The following C17orf58 variants were observed in gnomAD, a reference collection of about 807,000 sequenced individuals.
C17orf58 encodes the protein chromosome 17 open reading frame 58.
C17orf58 carries 5 observed loss-of-function variants against 7.4 expected under a neutral mutation model. The ratio of observed to expected loss-of-function variants is 0.67; its 90% CI spans 0.35 to 1.42. C17orf58 has a LOEUF of 1.42. Ranked by LOEUF, C17orf58 falls within the 40% of genes most tolerant of loss-of-function variation. The pLI is 0.04. For missense variants in C17orf58, 162 were observed against 174.2 expected (o/e 0.93, Z 0.40); for synonymous variants, 60 against 70.6 (o/e 0.85, Z 0.75).
At chr17:67,995,976 C>T (rs183810071) in intron 1 of C17orf58, 147 bp downstream of exon 1, 5 of 397,052 alleles carry the variant, frequency 1.3e-5, no homozygotes, top group Admixed American at 4.4e-5. Flanking sequence ...ACACTTTGCT[C>T]CTTTATAAGA....
chr17:67,993,476 G>T lies in C17orf58; in HGVS notation c.585C>A (p.Arg195=). 2.2e-6 allele frequency: 1 copy of T among 449,814 alleles called. No homozygotes were observed. Among genetic ancestry groups the T allele is most frequent in the Non-Finnish European group, 3.9e-6 (1 of 258,016 alleles). The allele number at this position is 449,814 out of a possible 1,614,324, so 27.9% of individuals were successfully genotyped here. A position where few individuals can be genotyped will look rare whatever the true frequency, so the allele number is the denominator to read the frequency against. ...DAEPGAEPCA[R]ACRSDLDERE... ...GTTCGTCCAGATCGGACCGGCAGGC[G>T]CGCGCGCAGGGCTCAGCGCCGGGCT... is the stretch of plus-strand genomic sequence containing the variant. The change falls in exon 2 of 4, where the codon CGC becomes CGA. Residue 195 remains arginine (R), a synonymous_variant. Coordinates refer to ENST00000580729, the MANE Select transcript of C17orf58 (RefSeq NM_001382359.1). This position sits in a 1 kb window ranked among gnomAD's most constrained non-coding sequence, Gnocchi z 5.1.
intron 1 of C17orf58, 22 bp downstream of exon 1, chr17:67,996,101 C>T (rs1335589715): frequency 2.0e-5 from 8 of 398,942 alleles, no homozygotes; most frequent in African/African-American, 6.2e-5. Flanking sequence ...GCTCCCAGGG[C>T]CCCGCACTAC....
chr17:67,993,398 GGCGGCGGC>G lies in C17orf58; in HGVS notation c.637+18_637+25del, dbSNP rs1335156051. On this transcript the variant is annotated intron_variant, in intron 2 of 3. Coordinates refer to ENST00000580729, the MANE Select transcript of C17orf58 (RefSeq NM_001382359.1). The surrounding 1 kb of genome is among the most constrained non-coding windows in gnomAD (Gnocchi z 5.1). ...CTCGGAAAGGCTCGCGGGGCGGCGG[GGCGGCGGC>G]GCGGCGGCCGGGCTCACCGAATTCG... 12 of 578,724 alleles carry G rather than the reference GGCGGCGGC, an allele frequency of 2.1e-5. No individual in the cohort carries two copies. The highest frequency in any genetic ancestry group is 8.9e-5 in the East Asian group (3 of 33,524). The allele number at this position is 578,724 out of a possible 1,614,324, so 35.8% of individuals were successfully genotyped here. A position where few individuals can be genotyped will look rare whatever the true frequency, so the allele number is the denominator to read the frequency against.
chr17:67,993,167 C>A lies in C17orf58; in HGVS notation c.706G>T (p.Asp236Tyr), dbSNP rs782420116. 17 of 1,613,162 alleles carry A rather than the reference C, an allele frequency of 1.1e-5. No individual in the cohort carries two copies. Among genetic ancestry groups the A allele is most frequent in the Non-Finnish European group, 7.6e-6 (9 of 1,179,430 alleles). The change falls in exon 3 of 4, where the codon GAT (aspartate) becomes TAT (tyrosine). Residue 236 changes from aspartate to tyrosine, a missense_variant. By Grantham distance (160) the Asp-to-Tyr change is radical. This residue lies in a region of C17orf58 where 93 missense variants were observed against 90.4 expected (regional missense o/e 1.03). Transcript: ENST00000580729. This position sits in a 1 kb window ranked among gnomAD's most constrained non-coding sequence, Gnocchi z 5.1. ...AGIRLVTLLV[D>Y]RDGLYKMNRL... ...TTCATCTTGTACAGCCCGTCCCGAT[C>A]CACCAGCAGGGTCACCAGCCGGATG...
intron 1 of C17orf58, among the ~76,000 whole-genome samples, chr17:67,995,658 G>A (rs1304861920): frequency 1.3e-5 from 2 of 152,220 alleles, no homozygotes; most frequent in Non-Finnish European, 2.9e-5. Flanking sequence ...CTGGGGCTGC[G>A]GGGAGAGCAA....
chr17:67,994,516 G>GTGTGTGTGTGTATATATA (rs1244199425), intron 1 of C17orf58, among the ~76,000 whole-genome samples: 6 of 89,536 alleles, frequency 6.7e-5, no homozygotes, highest in African/African-American at 1.9e-4. Context: ...GTGTGTGTGT[G>GTGTGTGTGTGTATATATA]TATATATATA....
chr17:67,993,093 T>TAAC lies in C17orf58; in HGVS notation c.777_779dup (p.Leu260dup), dbSNP rs1555699418. On this transcript the variant is annotated inframe_insertion, in exon 3 of 4. Coordinates refer to ENST00000580729, the MANE Select transcript of C17orf58 (RefSeq NM_001382359.1). The surrounding 1 kb of genome is among the most constrained non-coding windows in gnomAD (Gnocchi z 5.1). The stretch of plus-strand genomic sequence containing the variant: ...TATTGCAGCTGGAGGAGTCCAGGGC[T>TAAC]AACATGTGGACTCGGAAGAAGAAGC... The TAAC allele has an allele frequency of 6.2e-6, 10 of 1,614,102 alleles. No individual in the cohort carries two copies. Among genetic ancestry groups the TAAC allele is most frequent in the Non-Finnish European group, 7.6e-6 (9 of 1,180,010 alleles).
At chr17:67,995,204 G>C (rs1291260598) in intron 1 of C17orf58, among the ~76,000 whole-genome samples, 1 of 152,202 alleles carries the variant, frequency 6.6e-6, no homozygotes, top group Non-Finnish European at 1.5e-5. Context: ...AATAATAGCT[G>C]GTTAGAGTTC....
chr17:67,991,914 C>T lies in C17orf58; in HGVS notation c.1019G>A (p.Ter340=). The change falls in exon 4 of 4, where the codon TGA becomes TAA. Residue 340 remains the stop codon, a stop_retained_variant. Coordinates refer to ENST00000580729, the MANE Select transcript of C17orf58 (RefSeq NM_001382359.1). The part of the protein sequence containing the change: ...IQGAIHTQCI[*] ...TCCAGAAATGCCAGGATGGTTGTTTCAAATGCATTGGGTATGAATTGCACC... is the reference window on the plus strand; with the variant it reads ...TCCAGAAATGCCAGGATGGTTGTTTTAAATGCATTGGGTATGAATTGCACC... 1 of 1,597,006 alleles carries T rather than the reference C, an allele frequency of 6.3e-7. No individual in the cohort carries two copies. Among genetic ancestry groups the T allele is most frequent in the Middle Eastern group, 1.7e-4 (1 of 6,016 alleles).
At chr17:67,994,535 T>TATATATAAA (rs71142122) in intron 1 of C17orf58, among the ~76,000 whole-genome samples, 9 of 100,310 alleles carry the variant, frequency 9.0e-5, no homozygotes, top group African/African-American at 2.6e-4. Flanking sequence ...TATATATATA[T>TATATATAAA]AAAACATATA....
chr17:67,993,108 G>A lies in C17orf58; in HGVS notation c.765C>T (p.Phe255=). 1 of 1,614,150 alleles carries A rather than the reference G, an allele frequency of 6.2e-7. No individual in the cohort carries two copies. The highest frequency in any genetic ancestry group is 1.7e-5 in the Admixed American group (1 of 60,022). The change falls in exon 3 of 4, where the codon TTC becomes TTT. Residue 255 remains phenylalanine, a synonymous_variant. Transcript: ENST00000580729. This position sits in a 1 kb window ranked among gnomAD's most constrained non-coding sequence, Gnocchi z 5.1. Reference sequence around the variant, plus strand: ...AGTCCAGGGCTAACATGTGGACTCGGAAGAAGAAGCCGTCGGGGGTGAGGT... The same window carrying A: ...AGTCCAGGGCTAACATGTGGACTCGAAAGAAGAAGCCGTCGGGGGTGAGGT... The part of the protein sequence containing the change: ...RLYLTPDGFF[F]RVHMLALDSS...
intron 1 of C17orf58, among the ~76,000 whole-genome samples, chr17:67,994,499 T>C (rs1377101170): frequency 6.1e-5 from 5 of 82,360 alleles, no homozygotes; most frequent in South Asian, 8.4e-4. Flanking sequence ...TGTGCGTGTG[T>C]GTGTGTGTGT....
intron 1 of C17orf58, among the ~76,000 whole-genome samples, chr17:67,994,514 G>A (rs113012247): frequency 0.8 from 66,706 of 83,770 alleles, 27,340 homozygotes; most frequent in East Asian, 0.97. Flanking sequence ...GTGTGTGTGT[G>A]TGTATATATA....
intron 1 of C17orf58, among the ~76,000 whole-genome samples, chr17:67,994,535 T>TATATATATATAAAA (rs71142122): frequency 8.9e-4 from 89 of 100,270 alleles, no homozygotes; most frequent in Non-Finnish European, 1.6e-3. Flanking sequence ...TATATATATA[T>TATATATATATAAAA]AAAACATATA....
At chr17:67,995,066 C>G (rs2070881009) in intron 1 of C17orf58, among the ~76,000 whole-genome samples, 1 of 152,172 alleles carries the variant, frequency 6.6e-6, no homozygotes, top group South Asian at 2.1e-4. Context: ...CAAGAACTAG[C>G]CTTTATTTTT....
At chr17:67,994,512 G>GTATATATA (rs1555699607) in intron 1 of C17orf58, among the ~76,000 whole-genome samples, 40 of 85,562 alleles carry the variant, frequency 4.7e-4, no homozygotes, top group African/African-American at 9.0e-4. Flanking sequence ...GTGTGTGTGT[G>GTATATATA]TGTGTATATA....
intron 1 of C17orf58, among the ~76,000 whole-genome samples, 162 bp downstream of exon 1, chr17:67,995,961 G>GGGAC (rs1279124920): frequency 6.6e-6 from 1 of 152,194 alleles, no homozygotes; most frequent in Non-Finnish European, 1.5e-5. Context: ...CGAAACCTTG[G>GGGAC]GGACACACTT....
rs1296094991 is a variant in C17orf58 at position 67,994,535 on chromosome 17, T to TAA, written c.77-553_77-552dup. Among the ~76,000 whole-genome samples the TAA allele has an allele frequency of 2.3e-3, 228 of 100,098 alleles. 3 individuals carry two copies. Among genetic ancestry groups the TAA allele is most frequent in the Admixed American group, 2.6e-3 (25 of 9,566 alleles). The allele number at this position is 100,098 out of a possible 152,430, so 65.7% of individuals were successfully genotyped here. Reference sequence around the variant, plus strand: ...GTGTGTGTATATATATATATATATATAAAACATATATAAACATCCGCCTCT... The same window carrying TAA: ...GTGTGTGTATATATATATATATATATAAAAAACATATATAAACATCCGCCTCT... On this transcript the variant is annotated intron_variant, in intron 1 of 3. Transcript: ENST00000580729.
chr17:67,992,475 G>A (rs1283755771), intron 3 of C17orf58, among the ~76,000 whole-genome samples: 12 of 150,142 alleles, frequency 8.0e-5, no homozygotes, highest in Non-Finnish European at 1.2e-4. Flanking sequence ...GGCTGAGGCA[G>A]GATAATCGCT....
Sources: gnomAD v4.1 joint callset for allele counts (sites outside exome capture counted in the v4.1 genomes callset) on GRCh38, gnomAD v4.1.1 for gene constraint, gnomAD v4.1.1 regional missense constraint, Gnocchi (gnomAD v3.1) non-coding constraint, MANE v1.5 for transcripts, NCBI Gene and HGNC (gene_info 2026-07-23, HGNC 2026-07-21) for gene names.